The following OXSR1 variants were observed in gnomAD, a reference collection of about 807,000 sequenced individuals.
The protein encoded by OXSR1 is oxidative stress responsive kinase 1.
In OXSR1, 24 loss-of-function variants were observed where a neutral mutation model predicts 79.8. The observed-to-expected ratio is 0.30, with a 90% CI of 0.22 to 0.42. The LOEUF is 0.42. Ranked by LOEUF, OXSR1 falls within the 10% of genes least tolerant of loss-of-function variation. The probability of loss-of-function intolerance (pLI) is 1.00; values close to 1 mark genes in which losing one functional copy is unlikely to be tolerated. For synonymous variants in OXSR1, 226 were observed against 209.2 expected (o/e 1.08, Z -0.69); for missense variants, 430 against 618.4 (o/e 0.70, Z 3.23).
At chr3:38,238,987 TTCTG>T (rs1308246712) in intron 11 of OXSR1, among the ~76,000 whole-genome samples, 5 of 152,152 alleles carry the variant, frequency 3.3e-5, no homozygotes, top group Non-Finnish European at 7.4e-5. Flanking sequence ...AATTCTTTTT[TTCTG>T]TCTATTTTGT....
chr3:38,241,102 A>G (rs1204764578), intron 11 of OXSR1, among the ~76,000 whole-genome samples: 2 of 152,206 alleles, frequency 1.3e-5, no homozygotes, highest in Admixed American at 6.5e-5. Flanking sequence ...AGGGAAAAAA[A>G]TAAGGTTTTT....
At chr3:38,194,997 CAA>C (rs1355258318) in intron 3 of OXSR1, among the ~76,000 whole-genome samples, 2 of 152,130 alleles carry the variant, frequency 1.3e-5, no homozygotes, top group Non-Finnish European at 2.9e-5. Context: ...TTAATTGTGT[CAA>C]TATTATAATC....
intron 13 of OXSR1, among the ~76,000 whole-genome samples, chr3:38,246,521 A>G (rs931537774): frequency 6.6e-6 from 1 of 152,230 alleles, no homozygotes; most frequent in Non-Finnish European, 1.5e-5. Flanking sequence ...AATGCAGCTC[A>G]TGAAGTTCAA....
chr3:38,218,375 T>C (rs1702526221), intron 5 of OXSR1, among the ~76,000 whole-genome samples: 2 of 152,162 alleles, frequency 1.3e-5, no homozygotes, highest in South Asian at 4.1e-4. Flanking sequence ...TAAGGTGTTA[T>C]CTATCTCATT....
chr3:38,188,831 G>A (rs1334572129), intron 2 of OXSR1, among the ~76,000 whole-genome samples: 5 of 152,082 alleles, frequency 3.3e-5, no homozygotes. Flanking sequence ...CCTCTCCAAT[G>A]AAATCATGTA....
intron 1 of OXSR1, among the ~76,000 whole-genome samples, chr3:38,174,391 G>T (rs1701639903): frequency 6.6e-6 from 1 of 152,166 alleles, no homozygotes; most frequent in Non-Finnish European, 1.5e-5. Flanking sequence ...AGACCAGCCT[G>T]GCCAACACGG....
chr3:38,166,047 G>C, intron 1 of OXSR1, 101 bp downstream of exon 1: 1 of 1,047,188 alleles, frequency 9.5e-7, no homozygotes, highest in Non-Finnish European at 1.4e-6. Flanking sequence ...GCCCTCATAG[G>C]AATTCGTGGG....
At chr3:38,165,510 G>C (rs1278107786), upstream of OXSR1, 4 of 244,822 alleles carry the variant, frequency 1.6e-5, no homozygotes, top group East Asian at 9.5e-5. Flanking sequence ...GCTGCGTGTC[G>C]GCAGGTGGAG....
chr3:38,227,544 TCCAC>T (rs1702714172), intron 8 of OXSR1, among the ~76,000 whole-genome samples: 2 of 91,096 alleles, frequency 2.2e-5, no homozygotes, highest in South Asian at 7.3e-4. Context: ...TGTATGCACA[TCCAC>T]ACACACACAC....
At chr3:38,169,465 C>T (rs2125798624) in intron 1 of OXSR1, among the ~76,000 whole-genome samples, 1 of 152,074 alleles carries the variant, frequency 6.6e-6, no homozygotes, top group African/African-American at 2.4e-5. Flanking sequence ...GCCACCATGC[C>T]CAGCTAATTT....
intron 1 of OXSR1, among the ~76,000 whole-genome samples, chr3:38,179,396 G>A (rs1393958426): frequency 6.6e-6 from 1 of 151,998 alleles, no homozygotes; most frequent in Non-Finnish European, 1.5e-5. Context: ...CGAATTCCTG[G>A]ACTCAAGCAG....
rs112444587 is a variant in OXSR1, at chr3:38,208,594, G to A, written c.435-7502G>A. ...TGACTGATTTTTACCTATCATGTATGGAGTTTTTAAAAATGCTGATATTCT... is the reference window on the plus strand; with the variant it reads ...TGACTGATTTTTACCTATCATGTATAGAGTTTTTAAAAATGCTGATATTCT... On this transcript the variant is annotated intron_variant, in intron 4 of 17. Transcript: ENST00000311806. Among the ~76,000 whole-genome samples the A allele has an allele frequency of 2.5e-3, 385 of 152,242 alleles. 4 individuals are homozygous for A. Among genetic ancestry groups the A allele is most frequent in the African/African-American group, 7.9e-3 (328 of 41,550 alleles).
chr3:38,165,271 T>G (rs1311740142), upstream of OXSR1: 2 of 152,538 alleles, frequency 1.3e-5, no homozygotes, highest in Admixed American at 6.5e-5. Flanking sequence ...TCTACTTTGC[T>G]GCCCTTTGGT....
chr3:38,166,316 A>G (rs1444136038), intron 1 of OXSR1, among the ~76,000 whole-genome samples: 2 of 152,068 alleles, frequency 1.3e-5, no homozygotes, highest in African/African-American at 2.4e-5. Flanking sequence ...GGGCACAGCC[A>G]TCGATTTCTG....
At chr3:38,232,084 G>T (rs1405325089) in intron 10 of OXSR1, among the ~76,000 whole-genome samples, 1 of 152,086 alleles carries the variant, frequency 6.6e-6, no homozygotes, top group East Asian at 1.9e-4. Flanking sequence ...TCCAGCCTGG[G>T]CGACAGAGCA....
intron 8 of OXSR1, among the ~76,000 whole-genome samples, chr3:38,227,962 G>T (rs1249764531): frequency 6.6e-6 from 1 of 152,232 alleles, no homozygotes; most frequent in Non-Finnish European, 1.5e-5. Context: ...GATACATTCT[G>T]TAATATGTGT....
At chr3:38,206,280 C>G (rs984809240) in intron 4 of OXSR1, among the ~76,000 whole-genome samples, 8 of 152,068 alleles carry the variant, frequency 5.3e-5, no homozygotes, top group Non-Finnish European at 2.9e-5. Flanking sequence ...GAGGGCAATT[C>G]TGAATGAGAA....
intron 5 of OXSR1, among the ~76,000 whole-genome samples, chr3:38,221,180 T>TTTATGTATGTAAATCAGATGTATGTAG (rs1247910927): frequency 7.9e-5 from 12 of 151,934 alleles, no homozygotes; most frequent in African/African-American, 2.9e-4. Context: ...ATGAATCTGA[T>TTTATGTATGTAAATCAGATGTATGTAG]AGTGGTATGT....
intron 8 of OXSR1, chr3:38,225,171 A>G (rs1702666163): frequency 6.6e-6 from 1 of 152,386 alleles, no homozygotes. Context: ...GACAGATTGA[A>G]TGACAAGTGA....
Sources: gnomAD v4.1 joint callset for allele counts (sites outside exome capture counted in the v4.1 genomes callset) on GRCh38, gnomAD v4.1.1 for gene constraint, MANE v1.5 for transcripts, NCBI Gene and HGNC (gene_info 2026-07-23, HGNC 2026-07-21) for gene names.